NBEA: variants seen among roughly 807,000 people sequenced by gnomAD.
NBEA encodes lysosomal-trafficking regulator 2.
A neutral mutation model predicts 343.4 loss-of-function variants in NBEA; 44 were observed. The ratio of observed to expected loss-of-function variants is 0.13; its 90% CI spans 0.10 to 0.16. The LOEUF (loss-of-function observed/expected upper bound fraction) is 0.16. Ranked by LOEUF, NBEA falls within the 10% of genes least tolerant of loss-of-function variation. The probability of loss-of-function intolerance (pLI) is 1.00; values close to 1 mark genes in which losing one functional copy is unlikely to be tolerated. For missense variants in NBEA, 2,555 were observed against 3,631.3 expected, an observed-to-expected ratio of 0.70 and a Z score of 7.62; for synonymous variants, 1,175 against 1,238.7, an observed-to-expected ratio of 0.95 and a Z score of 1.08.
intron 34 of NBEA, among the ~76,000 whole-genome samples, chr13:35,264,377 G>A (rs1265844594): frequency 6.6e-6 from 1 of 151,790 alleles, no homozygotes; most frequent in African/African-American, 2.4e-5. Context: ...TTGAAGAGGA[G>A]GTAATATTTC....
intron 10 of NBEA, among the ~76,000 whole-genome samples, chr13:35,090,118 G>C (rs535619858): frequency 6.6e-6 from 1 of 151,068 alleles, no homozygotes; most frequent in Non-Finnish European, 1.5e-5. Flanking sequence ...GTCAGTGTAG[G>C]TTATATGATA....
At chr13:35,194,973 A>T (rs1035167199) in intron 30 of NBEA, among the ~76,000 whole-genome samples, 1 of 152,100 alleles carries the variant, frequency 6.6e-6, no homozygotes, top group Non-Finnish European at 1.5e-5. Flanking sequence ...TCCTTGAGGA[A>T]CATTATTATA....
intron 44 of NBEA, among the ~76,000 whole-genome samples, chr13:35,557,463 A>T (rs962450345): frequency 2.0e-5 from 3 of 152,112 alleles, no homozygotes; most frequent in African/African-American, 7.2e-5. Flanking sequence ...TATTTGGGAC[A>T]ATCTTTGGGT....
At chr13:35,385,947 A>T (rs1000887348) in intron 38 of NBEA, among the ~76,000 whole-genome samples, 3 of 152,192 alleles carry the variant, frequency 2.0e-5, no homozygotes, top group Non-Finnish European at 4.4e-5. Context: ...GTAATGTTTT[A>T]TATAATTTCC....
At chr13:35,353,703 G>C (rs1335809159) in intron 38 of NBEA, among the ~76,000 whole-genome samples, 1 of 152,016 alleles carries the variant, frequency 6.6e-6, no homozygotes, top group African/African-American at 2.4e-5. Context: ...CTTTATCCTT[G>C]AACATCTTTA....
rs1323381250 is a variant in NBEA at position 35,651,869 on chromosome 13, A to G, written c.8028A>G (p.Pro2676=). 1 of 1,525,654 alleles carries G rather than the reference A, an allele frequency of 6.6e-7. No individual in the cohort carries two copies. Among genetic ancestry groups the G allele is most frequent in the South Asian group, 1.2e-5 (1 of 83,400 alleles). The allele number at this position is 1,525,654 out of a possible 1,614,324, so 94.5% of individuals were successfully genotyped here. The change falls in exon 53 of 59, where the codon CCA becomes CCG. Residue 2676 remains proline, a synonymous_variant. Coordinates refer to ENST00000379939, the MANE Select transcript of NBEA (RefSeq NM_001385012.1). ...ACCATCTTCCCATTGAAATGGATCCATTAATAGGTATGTTAATAAAAAAGA... is the reference window on the plus strand; with the variant it reads ...ACCATCTTCCCATTGAAATGGATCCGTTAATAGGTATGTTAATAAAAAAGA... ...QAHHLPIEMD[P]LIANNSGVNK...
intron 41 of NBEA, among the ~76,000 whole-genome samples, chr13:35,534,938 T>G (rs2078458959): frequency 6.6e-6 from 1 of 152,190 alleles, no homozygotes; most frequent in Non-Finnish European, 1.5e-5. Flanking sequence ...CAAACTAGTA[T>G]TTTGCTTCAA....
intron 17 of NBEA, among the ~76,000 whole-genome samples, chr13:35,135,837 G>C (rs918564968): frequency 2.0e-5 from 3 of 151,732 alleles, no homozygotes; most frequent in Admixed American, 1.3e-4. Flanking sequence ...TTCAATAATT[G>C]GCAGTGGGAA....
intron 1 of NBEA, among the ~76,000 whole-genome samples, chr13:34,958,815 A>G (rs1010320149): frequency 1.1e-4 from 16 of 152,306 alleles, no homozygotes; most frequent in Admixed American, 7.9e-4. Context: ...ATCAAAGTAG[A>G]GTTAAATGGC....
At chr13:35,499,258 G>A (rs1182106147) in intron 41 of NBEA, among the ~76,000 whole-genome samples, 1 of 152,090 alleles carries the variant, frequency 6.6e-6, no homozygotes, top group East Asian at 1.9e-4. Context: ...CATAGTGAAT[G>A]AATGCTAGTG....
In NBEA at chr13:34,987,570, A is replaced by T. The variant is rs866368096; in HGVS notation, c.294+44456A>T. Among the ~76,000 whole-genome samples the T allele has an allele frequency of 1.3e-5, 2 of 150,868 alleles. 1 individual carries two copies. The highest frequency in any genetic ancestry group is 4.2e-4 in the South Asian group (2 of 4,748). Reference sequence around the variant, plus strand: ...TGCTGGGTTGGGGAAGTTCTCCTGGATAAGATCCTGAAGAGTATTTTCCAA... The same window carrying T: ...TGCTGGGTTGGGGAAGTTCTCCTGGTTAAGATCCTGAAGAGTATTTTCCAA... On this transcript the variant is annotated intron_variant, in intron 1 of 58. Coordinates refer to ENST00000379939, the MANE Select transcript of NBEA (RefSeq NM_001385012.1).
At chr13:35,017,382 A>AT (rs1192515851) in intron 1 of NBEA, among the ~76,000 whole-genome samples, 1 of 152,094 alleles carries the variant, frequency 6.6e-6, no homozygotes, top group Non-Finnish European at 1.5e-5. Flanking sequence ...GTTATAAGAA[A>AT]TTTGCCAAAT....
chr13:35,132,508 A>G (rs535018583), intron 17 of NBEA, among the ~76,000 whole-genome samples: 2 of 152,270 alleles, frequency 1.3e-5, no homozygotes, highest in East Asian at 1.9e-4. Flanking sequence ...CCAAAAGTCA[A>G]TCAGCTGATG....
At chr13:35,107,297 G>A (rs2065967986) in intron 11 of NBEA, among the ~76,000 whole-genome samples, 2 of 151,034 alleles carry the variant, frequency 1.3e-5, no homozygotes. Context: ...TATTAACTCA[G>A]CTATTTATTT....
rs73505614 is a variant in NBEA, at chr13:35,183,209, T to G, written c.4831+681T>G. ...AAACACAGTTTCTGGCAACTAACAT[T>G]TTAATATTGGACACCTTCTATCATT... On this transcript the variant is annotated intron_variant, in intron 29 of 58. Transcript: ENST00000379939. 6.4e-3 allele frequency among the ~76,000 whole-genome samples: 980 copies of G among 152,138 alleles called. 11 individuals carry two copies. Among genetic ancestry groups the G allele is most frequent in the African/African-American group, 0.023 (939 of 41,562 alleles).
intron 10 of NBEA, among the ~76,000 whole-genome samples, chr13:35,085,131 C>T (rs546938022): frequency 6.6e-6 from 1 of 152,208 alleles, no homozygotes; most frequent in South Asian, 2.1e-4. Context: ...CAGATGGATT[C>T]ACAGCCGAAT....
At chr13:35,364,291 G>T (rs138740446) in intron 38 of NBEA, among the ~76,000 whole-genome samples, 2 of 151,838 alleles carry the variant, frequency 1.3e-5, no homozygotes, top group Non-Finnish European at 2.9e-5. Context: ...CACATGTAGA[G>T]TATATGCTTT....
chr13:35,019,342 G>T (rs1416676901), intron 1 of NBEA, among the ~76,000 whole-genome samples: 3 of 150,794 alleles, frequency 2.0e-5, no homozygotes, highest in Admixed American at 6.6e-5. Context: ...GTGTCACCCA[G>T]GCTGGAGTGC....
intron 36 of NBEA, among the ~76,000 whole-genome samples, chr13:35,334,795 T>C (rs1782071368): frequency 1.3e-5 from 2 of 152,192 alleles, no homozygotes; most frequent in African/African-American, 2.4e-5. Context: ...TTTTCTCCAA[T>C]TTATGGATTA....
Sources: allele counts gnomAD v4.1 joint callset (sites outside exome capture counted in the v4.1 genomes callset), GRCh38; gene constraint gnomAD v4.1.1; transcripts MANE v1.5; gene names NCBI Gene and HGNC (gene_info 2026-07-23, HGNC 2026-07-21).